Variants in ZNHIT6 observed in about 807,000 individuals in gnomAD.
ZNHIT6 encodes zinc finger HIT-type containing 6.
ZNHIT6 carries 45 observed loss-of-function variants against 57.2 expected under a neutral mutation model. The ratio of observed to expected loss-of-function variants is 0.79; its 90% CI spans 0.62 to 1.01. The LOEUF (loss-of-function observed/expected upper bound fraction) is 1.01. ZNHIT6 is among the 50% of genes least tolerant of loss of function. The probability of loss-of-function intolerance (pLI) is 0.00; values close to 1 mark genes in which losing one functional copy is unlikely to be tolerated. For missense variants in ZNHIT6, 528 were observed against 567.3 expected, an observed-to-expected ratio of 0.93 and a Z score of 0.70; for synonymous variants, 188 against 190.0, an observed-to-expected ratio of 0.99 and a Z score of 0.09.
chr1:85,653,265 G>A lies in ZNHIT6; in HGVS notation c.*793C>T, dbSNP rs753177370. ...TCTAGTATAAGACATTGTACTAGGA[G>A]TTTCTCAAGTAGAAAACTTGTCTCA... On this transcript the variant is annotated 3_prime_UTR_variant, in exon 10 of 10. Transcript: ENST00000370574. 4 of 152,138 alleles carry A rather than the reference G, an allele frequency of 2.6e-5. No homozygotes were observed. Among genetic ancestry groups the A allele is most frequent in the Admixed American group, 6.6e-5 (1 of 15,258 alleles). 9.4% of individuals were successfully genotyped at this position (152,138 alleles called of 1,614,324 possible).
intron 5 of ZNHIT6, among the ~76,000 whole-genome samples, chr1:85,683,382 G>A (rs1661934418): frequency 6.6e-6 from 1 of 152,126 alleles, no homozygotes; most frequent in South Asian, 2.1e-4. Context: ...GTCAGGTGTG[G>A]TGGCATGTGC....
intron 8 of ZNHIT6, among the ~76,000 whole-genome samples, chr1:85,663,277 T>C (rs1329214167): frequency 6.6e-6 from 1 of 152,220 alleles, no homozygotes; most frequent in Admixed American, 6.5e-5. Flanking sequence ...ATTTATGATT[T>C]ATGACAGAGA....
chr1:85,650,411 A>T lies in ZNHIT6; in HGVS notation c.*3647T>A, dbSNP rs1480020968. On this transcript the variant is annotated 3_prime_UTR_variant, in exon 10 of 10. Coordinates refer to ENST00000370574, the MANE Select transcript of ZNHIT6 (RefSeq NM_017953.4). The stretch of plus-strand genomic sequence containing the variant: ...CAAGATGACTGCTTTTGACGTTTGG[A>T]CCCAGGACCCAGTCATTGCCTGGAC... 2 of 152,168 alleles carry T rather than the reference A, an allele frequency of 1.3e-5. No individual in the cohort carries two copies. The highest frequency in any genetic ancestry group is 2.9e-5 in the Non-Finnish European group (2 of 68,028). The allele number at this position is 152,168 out of a possible 1,614,324, so 9.4% of individuals were successfully genotyped here.
chr1:85,666,788 C>G (rs952150251), intron 8 of ZNHIT6, among the ~76,000 whole-genome samples: 3 of 152,310 alleles, frequency 2.0e-5, no homozygotes, highest in South Asian at 4.1e-4. Context: ...TATTCCCTTT[C>G]TGTGTGTGGA....
At chr1:85,695,824 C>T (rs1278655227) in intron 5 of ZNHIT6, among the ~76,000 whole-genome samples, 3 of 152,254 alleles carry the variant, frequency 2.0e-5, no homozygotes, top group Non-Finnish European at 4.4e-5. Context: ...ATCACAAGGT[C>T]AGGAGATCCA....
intron 5 of ZNHIT6, among the ~76,000 whole-genome samples, 159 bp downstream of exon 5, chr1:85,701,998 T>A (rs10518350): frequency 0.1 from 15,803 of 151,822 alleles, 1,260 homozygotes; most frequent in East Asian, 0.39. Context: ...TTTATTAGAG[T>A]TACATGACAT....
intron 8 of ZNHIT6, among the ~76,000 whole-genome samples, chr1:85,666,302 T>A (rs1045030727): frequency 1.3e-5 from 2 of 152,208 alleles, no homozygotes; most frequent in Admixed American, 6.5e-5. Context: ...GCCTAACATT[T>A]AAATTGGTCA....
Position 85,653,822 on chromosome 1 carries a change from AAGT to A in ZNHIT6, c.*233_*235del, listed in dbSNP as rs1660982044. On this transcript the variant is annotated 3_prime_UTR_variant, in exon 10 of 10. Transcript: ENST00000370574. ...GCATATTAAAAAGCCAGGGCCTAATAAGTACTATGCTGATCAAGTGCAAAGGAG... is the reference window on the plus strand; with the variant it reads ...GCATATTAAAAAGCCAGGGCCTAATAACTATGCTGATCAAGTGCAAAGGAG... The A allele has an allele frequency of 2.4e-6, 1 of 411,382 alleles. No individual in the cohort carries two copies. Among genetic ancestry groups the A allele is most frequent in the Non-Finnish European group, 4.3e-6 (1 of 234,706 alleles). The allele number at this position is 411,382 out of a possible 1,614,324, so 25.5% of individuals were successfully genotyped here. A position where few individuals can be genotyped will look rare whatever the true frequency, so the allele number is the denominator to read the frequency against.
rs1358393334 is a variant in ZNHIT6 at position 85,706,486 on chromosome 1, T to G, written c.678A>C (p.Glu226Asp). 20 of 1,587,466 alleles carry G rather than the reference T, an allele frequency of 1.3e-5. No homozygotes were observed. Among genetic ancestry groups the G allele is most frequent in the Non-Finnish European group, 1.7e-5 (20 of 1,174,014 alleles). Residue 226 changes from glutamate to aspartate, a missense_variant, in exon 2 of 10, where the codon GAA becomes GAC. Coordinates refer to ENST00000370574, the MANE Select transcript of ZNHIT6 (RefSeq NM_017953.4). ...AMSRCETCGTEEAKYRCPRCM... is the reference protein window; with the variant it reads ...AMSRCETCGTDEAKYRCPRCM... ...AACGTGGACATCTGTACTTTGCTTC[T>G]TCTGTACCACAAGTCTCACACCTAC...
At chr1:85,680,674 G>A (rs764452378) in intron 6 of ZNHIT6, among the ~76,000 whole-genome samples, 162 bp downstream of exon 6, 1 of 152,102 alleles carries the variant, frequency 6.6e-6, no homozygotes, top group African/African-American at 2.4e-5. Flanking sequence ...CCATGTTGAT[G>A]TGCATAGCTG....
rs200544285 is a variant in ZNHIT6, at chr1:85,707,656, C to T, written c.629G>A (p.Gly210Asp). Residue 210 changes from glycine (G) to aspartate (D), a missense_variant, in exon 1 of 10, where the codon GGC becomes GAC. Coordinates refer to ENST00000370574, the MANE Select transcript of ZNHIT6 (RefSeq NM_017953.4). The part of the protein sequence containing the change: ...KEEPPINHPV[G>D]CKRKLAMSRC... ...TGACATGGCCAGTTTCCGCTTGCAG[C>T]CCACCGGGTGATTTATCGGAGGCTC... 17 of 1,556,820 alleles carry T rather than the reference C, an allele frequency of 1.1e-5. No homozygotes were observed. Among genetic ancestry groups the T allele is most frequent in the Non-Finnish European group, 1.4e-5 (16 of 1,156,226 alleles).
chr1:85,698,550 A>G (rs1257528320), intron 5 of ZNHIT6, among the ~76,000 whole-genome samples: 4 of 152,190 alleles, frequency 2.6e-5, no homozygotes, highest in African/African-American at 9.7e-5. Context: ...AGATTCCTCA[A>G]AAGTGAAAAC....
chr1:85,662,475 C>G (rs970472137), intron 8 of ZNHIT6, among the ~76,000 whole-genome samples: 10 of 148,554 alleles, frequency 6.7e-5, no homozygotes, highest in African/African-American at 2.2e-4. Flanking sequence ...ATCTAGGTTT[C>G]TAGATTAAAA....
At chr1:85,706,635 A>G (rs1032651192) in intron 1 of ZNHIT6, 128 bp from the exon 2 acceptor site, 5 of 839,744 alleles carry the variant, frequency 6.0e-6, no homozygotes, top group Non-Finnish European at 6.7e-6. Context: ...GCTGTTGAAC[A>G]TCATTTGAAA....
At chr1:85,661,689 T>C (rs1028092556) in intron 8 of ZNHIT6, among the ~76,000 whole-genome samples, 2 of 152,324 alleles carry the variant, frequency 1.3e-5, no homozygotes, top group South Asian at 4.1e-4. Flanking sequence ...GAGCCCAGCT[T>C]TGCACTGCCT....
intron 5 of ZNHIT6, among the ~76,000 whole-genome samples, chr1:85,689,754 G>C (rs564870306): frequency 3.3e-5 from 5 of 152,162 alleles, no homozygotes; most frequent in Non-Finnish European, 5.9e-5. Context: ...AAATGGCTGG[G>C]CAGTTTTGGT....
intron 8 of ZNHIT6, among the ~76,000 whole-genome samples, chr1:85,671,374 A>G (rs533355299): frequency 2.7e-4 from 41 of 152,168 alleles, no homozygotes; most frequent in Middle Eastern, 3.4e-3. Context: ...AGATTTCTTG[A>G]CCTCAGGCGT....
chr1:85,687,304 A>AAAAAAAAAAAAAAAC (rs1557861153), intron 5 of ZNHIT6, among the ~76,000 whole-genome samples: 2 of 142,582 alleles, frequency 1.4e-5, no homozygotes, highest in Admixed American at 7.2e-5. Flanking sequence ...AAAAACAAAA[A>AAAAAAAAAAAAAAAC]AAAAAAACAA....
Position 85,653,956 on chromosome 1 carries a change from C to A in ZNHIT6, c.*102G>T. 1 of 847,806 alleles carries A rather than the reference C, an allele frequency of 1.2e-6. No individual in the cohort carries two copies. The highest frequency in any genetic ancestry group is 1.9e-6 in the Non-Finnish European group (1 of 533,466). 52.5% of individuals were successfully genotyped at this position (847,806 alleles called of 1,614,324 possible). On this transcript the variant is annotated 3_prime_UTR_variant, in exon 10 of 10. Transcript: ENST00000370574. Reference sequence around the variant, plus strand: ...TTATTTTTCATACAAAGAAAAAATTCCAATCACCCATTGACAATACCCCAA... The same window carrying A: ...TTATTTTTCATACAAAGAAAAAATTACAATCACCCATTGACAATACCCCAA...
Sources: allele counts gnomAD v4.1 joint callset (sites outside exome capture counted in the v4.1 genomes callset), GRCh38; gene constraint gnomAD v4.1.1; transcripts MANE v1.5; gene names NCBI Gene and HGNC (gene_info 2026-07-23, HGNC 2026-07-21).